Variants in HMGCLL1 observed in about 807,000 individuals in gnomAD.
HMGCLL1 encodes the protein 3-hydroxymethyl-3-methylglutaryl-CoA lyase, cytoplasmic.
In HMGCLL1, 36 loss-of-function variants were observed where a neutral mutation model predicts 39.1. The ratio of observed to expected loss-of-function variants is 0.92; its 90% CI spans 0.71 to 1.22. HMGCLL1 has a LOEUF of 1.22. Among genes scored for constraint, HMGCLL1 ranks in the 50% most tolerant of loss-of-function variants. The pLI is 0.00. For synonymous variants in HMGCLL1, 149 were observed against 144.0 expected, an observed-to-expected ratio of 1.03 and a Z score of -0.25; for missense variants, 451 against 416.5, an observed-to-expected ratio of 1.08 and a Z score of -0.72.
chr6:55,550,832 G>A (rs1486123314), intron 1 of HMGCLL1, among the ~76,000 whole-genome samples: 3 of 151,464 alleles, frequency 2.0e-5, no homozygotes, highest in Non-Finnish European at 2.9e-5. Context: ...GGGCACTACT[G>A]GCATCTAGTA....
intron 1 of HMGCLL1, among the ~76,000 whole-genome samples, chr6:55,552,993 A>G (rs1010460610): frequency 6.6e-6 from 1 of 151,660 alleles, no homozygotes; most frequent in African/African-American, 2.4e-5. Flanking sequence ...AATACAAAAA[A>G]TTAGCTGGTC....
chr6:55,550,846 T>TA lies in HMGCLL1; in HGVS notation c.109-8707dup, dbSNP rs1470971142. ...TGGGCACTACTGGCATCTAGTAGGG[T>TA]AAAAATCTTACAATGCACAAGACAG... On this transcript the variant is annotated intron_variant, in intron 1 of 8. Coordinates refer to ENST00000274901, the MANE Select transcript of HMGCLL1 (RefSeq NM_001042406.2). Among the ~76,000 whole-genome samples, 7 of 151,350 alleles carry TA rather than the reference T, an allele frequency of 4.6e-5. No homozygotes were observed. In the South Asian group the frequency reaches 1.5e-3, roughly 31 times the overall value.
the HMGCLL1 span, among the ~76,000 whole-genome samples, chr6:55,645,358 AC>A: frequency 6.6e-6 from 1 of 151,832 alleles, no homozygotes; most frequent in Non-Finnish European, 1.5e-5. Flanking sequence ...GGATAATTTG[AC>A]TTCTTCCTTT....
chr6:55,667,844 A>G, the HMGCLL1 span, among the ~76,000 whole-genome samples: 1 of 151,830 alleles, frequency 6.6e-6, no homozygotes, highest in Non-Finnish European at 1.5e-5. Context: ...ACATATTGTT[A>G]GTAAATAAAT....
At chr6:55,608,133 A>G in the HMGCLL1 span, among the ~76,000 whole-genome samples, 1 of 152,242 alleles carries the variant, frequency 6.6e-6, no homozygotes, top group South Asian at 2.1e-4. Context: ...CTCACTTCTT[A>G]TATAGTTTAT....
chr6:55,492,449 T>C (rs1160447975), intron 7 of HMGCLL1, among the ~76,000 whole-genome samples: 1 of 152,206 alleles, frequency 6.6e-6, no homozygotes, highest in African/African-American at 2.4e-5. Context: ...CCACGTGTGT[T>C]TGCAGTGACA....
chr6:55,533,980 C>G (rs1370931843), intron 3 of HMGCLL1, among the ~76,000 whole-genome samples: 1 of 151,360 alleles, frequency 6.6e-6, no homozygotes, highest in East Asian at 1.9e-4. Context: ...AAAACAGCTT[C>G]AGAAATACAG....
the HMGCLL1 span, among the ~76,000 whole-genome samples, chr6:55,625,719 T>A: frequency 6.6e-6 from 1 of 152,130 alleles, no homozygotes; most frequent in Non-Finnish European, 1.5e-5. Context: ...TGTAAGCCAA[T>A]GGTTTGGCTG....
chr6:55,502,823 T>C (rs1766961787), intron 5 of HMGCLL1, among the ~76,000 whole-genome samples: 1 of 151,688 alleles, frequency 6.6e-6, no homozygotes, highest in Non-Finnish European at 1.5e-5. Flanking sequence ...AGTTTATCCA[T>C]CTTCTGAATT....
At chr6:55,502,713 GTTT>G (rs77793967) in intron 5 of HMGCLL1, among the ~76,000 whole-genome samples, 95,462 of 147,504 alleles carry the variant, frequency 0.65, 30,941 homozygotes, top group Non-Finnish European at 0.7. Flanking sequence ...TAAAGATCTG[GTTT>G]TTTTTTTTTT....
chr6:55,489,676 C>G (rs1217926334), intron 7 of HMGCLL1, among the ~76,000 whole-genome samples: 2 of 151,612 alleles, frequency 1.3e-5, no homozygotes, highest in Non-Finnish European at 2.9e-5. Flanking sequence ...CAGCTGAAAC[C>G]TAGGATTAAT....
intron 1 of HMGCLL1, among the ~76,000 whole-genome samples, chr6:55,551,515 T>C (rs1770324621): frequency 1.3e-5 from 2 of 151,092 alleles, no homozygotes; most frequent in Non-Finnish European, 2.9e-5. Flanking sequence ...GCTGAAATAG[T>C]AAAAAAAGAA....
intron 1 of HMGCLL1, among the ~76,000 whole-genome samples, chr6:55,555,479 C>T (rs1329111546): frequency 2.0e-5 from 3 of 152,196 alleles, no homozygotes; most frequent in Non-Finnish European, 4.4e-5. Context: ...TGTATCTTCT[C>T]TTCAACTAAG....
chr6:55,443,384 A>G (rs1487289899), intron 7 of HMGCLL1, among the ~76,000 whole-genome samples: 1 of 152,184 alleles, frequency 6.6e-6, no homozygotes, highest in East Asian at 1.9e-4. Context: ...GGGATCTGGA[A>G]TCCACGTATC....
chr6:55,570,778 T>C (rs9464267), intron 1 of HMGCLL1, among the ~76,000 whole-genome samples: 13,388 of 152,230 alleles, frequency 0.088, 1,375 homozygotes, highest in African/African-American at 0.25. Flanking sequence ...TGACCACAAA[T>C]ACTATATTAG....
intron 3 of HMGCLL1, among the ~76,000 whole-genome samples, chr6:55,533,021 C>A (rs1768779138): frequency 6.6e-6 from 1 of 151,212 alleles, no homozygotes; most frequent in Admixed American, 6.6e-5. Context: ...TAAAGTATTG[C>A]ATTTCAACTT....
chr6:55,598,788 T>C, the HMGCLL1 span, among the ~76,000 whole-genome samples: 1 of 152,232 alleles, frequency 6.6e-6, no homozygotes, highest in African/African-American at 2.4e-5. Context: ...CACACTGTTG[T>C]GGCTGTAAAA....
intron 7 of HMGCLL1, 152 bp from the exon 8 acceptor site, chr6:55,439,711 C>T: frequency 1.5e-6 from 1 of 656,404 alleles, no homozygotes. Context: ...GAATGGTCCC[C>T]AGGGTGCTTA....
the HMGCLL1 span, among the ~76,000 whole-genome samples, chr6:55,661,068 T>C: frequency 6.6e-6 from 1 of 151,852 alleles, no homozygotes; most frequent in Admixed American, 6.6e-5. Context: ...GGGTTGTTTG[T>C]TTTTTCTTGT....
Sources: allele counts gnomAD v4.1 joint callset (sites outside exome capture counted in the v4.1 genomes callset), GRCh38; gene constraint gnomAD v4.1.1; transcripts MANE v1.5; gene names NCBI Gene and HGNC (gene_info 2026-07-23, HGNC 2026-07-21).